The following TRIM49 variants were observed in gnomAD, a reference collection of about 807,000 sequenced individuals.
TRIM49 encodes the protein tripartite motif-containing protein 49.
In TRIM49, 5 loss-of-function variants were observed where a neutral mutation model predicts 27.4. The observed-to-expected ratio is 0.18, with a 90% CI of 0.10 to 0.38. The LOEUF (loss-of-function observed/expected upper bound fraction) is 0.38, where lower values mean the gene tolerates loss of function less well. Among genes scored for constraint, TRIM49 ranks in the 10% least tolerant of loss-of-function variants. The pLI, the probability that TRIM49 is intolerant of heterozygous loss-of-function variation, is 1.00. For missense variants in TRIM49, 188 were observed against 487.5 expected (o/e 0.39, Z 5.79); for synonymous variants, 69 against 166.0 (o/e 0.42, Z 4.49).
chr11:89,801,156 A>G (rs1487097700), intron 5 of TRIM49, among the ~76,000 whole-genome samples, 168 bp from the exon 6 acceptor site: 1 of 150,216 alleles, frequency 6.7e-6, no homozygotes, highest in East Asian at 1.9e-4. Flanking sequence ...AGTCAGTTGT[A>G]TTGTTATTAA....
chr11:89,782,971 G>T, the TRIM49 span, among the ~76,000 whole-genome samples: 1 of 120,840 alleles, frequency 8.3e-6, no homozygotes, highest in Non-Finnish European at 1.8e-5. Context: ...TGAAGTGGTG[G>T]ATATCTCATC....
chr11:89,787,872 G>A, the TRIM49 span: 1 of 422,954 alleles, frequency 2.4e-6, no homozygotes, highest in Non-Finnish European at 4.3e-6. Flanking sequence ...GGGGTTTGAG[G>A]GCAGGGCAAG....
the TRIM49 span, chr11:89,777,509 A>C: frequency 7.2e-7 from 1 of 1,389,606 alleles, no homozygotes; most frequent in African/African-American, 1.5e-5. Flanking sequence ...CATGTCAATC[A>C]TAACACATGA....
At chr11:89,768,399 A>AAACCC in the TRIM49 span, 1 of 722,184 alleles carries the variant, frequency 1.4e-6, no homozygotes, top group Non-Finnish European at 2.2e-6. Context: ...GTACCTCCAC[A>AAACCC]ATCCTAGGAT....
chr11:89,774,319 T>C, the TRIM49 span, among the ~76,000 whole-genome samples: 1 of 151,094 alleles, frequency 6.6e-6, no homozygotes, highest in Non-Finnish European at 1.5e-5. Flanking sequence ...AAATATTGCT[T>C]TGAATAAACT....
the TRIM49 span, chr11:89,787,879 C>A: frequency 2.4e-6 from 1 of 423,664 alleles, no homozygotes; most frequent in Non-Finnish European, 4.2e-6. Flanking sequence ...GAGGGCAGGG[C>A]AAGGCCGCGG....
chr11:89,787,001 AG>A, the TRIM49 span: 3 of 123,646 alleles, frequency 2.4e-5, no homozygotes, highest in Non-Finnish European at 3.2e-5. Context: ...TGTCCACACG[AG>A]GGTCCCTGCC....
At chr11:89,782,235 TG>T in the TRIM49 span, 1 of 1,527,644 alleles carries the variant, frequency 6.5e-7, no homozygotes, top group South Asian at 1.2e-5. Flanking sequence ...CAAAGGCCTC[TG>T]GGTCGGGTTG....
At chr11:89,803,583 T>G in intron 4 of TRIM49, 115 bp downstream of exon 4, 1 of 1,363,816 alleles carries the variant, frequency 7.3e-7, no homozygotes, top group Non-Finnish European at 9.9e-7. Context: ...TCTCTCGCCT[T>G]TTTTTTTTTA....
chr11:89,792,993 G>A (rs375501137), downstream of TRIM49, among the ~76,000 whole-genome samples: 2,468 of 151,398 alleles, frequency 0.016, 18 homozygotes, highest in East Asian at 0.028. Context: ...TTGATAGACT[G>A]CTAGCAAGAC....
chr11:89,801,044 C>T (rs1245309659), intron 5 of TRIM49, 56 bp from the exon 6 acceptor site: 3 of 865,056 alleles, frequency 3.5e-6, no homozygotes, highest in African/African-American at 3.7e-5. Flanking sequence ...GCATCTTTCA[C>T]TAAGTTCAGT....
intron 6 of TRIM49, among the ~76,000 whole-genome samples, chr11:89,800,393 T>G (rs1949724978): frequency 6.6e-6 from 1 of 151,642 alleles, no homozygotes; most frequent in East Asian, 1.9e-4. Context: ...CTGGTGACTT[T>G]CTCACCATTC....
intron 2 of TRIM49, among the ~76,000 whole-genome samples, chr11:89,804,954 C>T (rs1238776944): frequency 9.5e-4 from 143 of 150,946 alleles, no homozygotes; most frequent in Non-Finnish European, 1.6e-3. Flanking sequence ...AGCCGGGCAG[C>T]AAACCACCAT....
chr11:89,791,539 G>C, the TRIM49 span, among the ~76,000 whole-genome samples: 1 of 150,880 alleles, frequency 6.6e-6, no homozygotes, highest in Non-Finnish European at 1.5e-5. Flanking sequence ...ACTAACAGCA[G>C]AGCTCTCGGC....
the TRIM49 span, among the ~76,000 whole-genome samples, chr11:89,767,915 A>T: frequency 2.3e-4 from 31 of 137,280 alleles, 8 homozygotes; most frequent in African/African-American, 1.0e-3. Context: ...TGTATACATG[A>T]AATTGTATCA....
At chr11:89,803,433 C>T (rs1428514467) in intron 4 of TRIM49, among the ~76,000 whole-genome samples, 1 of 145,950 alleles carries the variant, frequency 6.9e-6, no homozygotes, top group Non-Finnish European at 1.5e-5. Flanking sequence ...GGCCCAGTTT[C>T]TTGGATCTGT....
chr11:89,793,713 G>A (rs11528982), downstream of TRIM49, among the ~76,000 whole-genome samples: 12,319 of 148,410 alleles, frequency 0.083, 42 homozygotes, highest in East Asian at 0.19. Flanking sequence ...TCAATAAATT[G>A]GGTATTGATG....
downstream of TRIM49, among the ~76,000 whole-genome samples, chr11:89,793,494 G>C (rs1949668931): frequency 6.6e-6 from 1 of 152,142 alleles, no homozygotes; most frequent in Admixed American, 6.6e-5. Flanking sequence ...ATAAAATACT[G>C]ACAAACAGAA....
chr11:89,776,856 C>T, the TRIM49 span: 13 of 798,396 alleles, frequency 1.6e-5, no homozygotes, highest in East Asian at 1.9e-4. Context: ...CTAACTTATT[C>T]GACATGTTGG....
Sources: gnomAD v4.1 joint callset for allele counts (sites outside exome capture counted in the v4.1 genomes callset) on GRCh38, gnomAD v4.1.1 for gene constraint, MANE v1.5 for transcripts, NCBI Gene and HGNC (gene_info 2026-07-23, HGNC 2026-07-21) for gene names.